MEN1: variants seen among roughly 807,000 people sequenced by gnomAD.
MEN1 encodes menin 1, also known as menin.
Under a neutral mutation model 58.0 loss-of-function variants are expected in MEN1, and 6 were observed. The ratio of observed to expected loss-of-function variants is 0.10; its 90% CI spans 0.06 to 0.20. The LOEUF (loss-of-function observed/expected upper bound fraction) is 0.20, where lower values mean the gene tolerates loss of function less well. Among genes scored for constraint, MEN1 ranks in the 10% least tolerant of loss-of-function variants. MEN1 has a pLI of 1.00. For synonymous variants in MEN1, 346 were observed against 350.7 expected (o/e 0.99, Z 0.15); for missense variants, 492 against 818.5 (o/e 0.60, Z 4.87).
rs892949876 is a variant in MEN1 at position 64,803,993 on chromosome 11, G to A, written c.*341C>T. The A allele has an allele frequency of 6.9e-6, 3 of 432,514 alleles. No homozygotes were observed. The highest frequency in any genetic ancestry group is 2.0e-5 in the African/African-American group (1 of 51,118). The allele number at this position is 432,514 out of a possible 1,614,324, so 26.8% of individuals were successfully genotyped here. ...TCCTACAAGCTGGGAGGAGCCCTGA[G>A]TAACGTTGGTCTGGCTCTAGGTGAG... On this transcript the variant is annotated 3_prime_UTR_variant, in exon 10 of 10. Coordinates refer to ENST00000450708, the MANE Select transcript of MEN1 (RefSeq NM_001370259.2).
chr11:64,810,599 C>G (rs1269142116), upstream of MEN1: 2 of 157,824 alleles, frequency 1.3e-5, no homozygotes, highest in African/African-American at 4.8e-5. Context: ...TAGGGTCGCA[C>G]TACCCGCCGG....
chr11:64,809,560 C>T, intron 2 of MEN1, 105 bp downstream of exon 2: 1 of 1,412,332 alleles, frequency 7.1e-7, no homozygotes, highest in Non-Finnish European at 9.8e-7. Context: ...AAAATAACAC[C>T]TGCCGAACCT....
In MEN1 at chr11:64,807,775, C is replaced by T; in HGVS notation, c.655-95G>A. On this transcript the variant is annotated intron_variant, in intron 3 of 9. Coordinates refer to ENST00000450708, the MANE Select transcript of MEN1 (RefSeq NM_001370259.2). The surrounding 1 kb of genome is among the most constrained non-coding windows in gnomAD (Gnocchi z 4.9). ...AGGAAAAGGGGCTCTTCTGTCTTCC[C>T]TTCCTATGTGGGTGGTGATGGGAAG... 1 of 1,610,062 alleles carries T rather than the reference C, an allele frequency of 6.2e-7. No homozygotes were observed. Among genetic ancestry groups the T allele is most frequent in the Non-Finnish European group, 8.5e-7 (1 of 1,177,204 alleles).
At chr11:64,805,904 C>A in intron 7 of MEN1, 134 bp from the exon 8 acceptor site, 1 of 914,716 alleles carries the variant, frequency 1.1e-6, no homozygotes, top group South Asian at 1.3e-5. Context: ...ATGATGCTGT[C>A]TGGGTCAGCC....
At position 64,805,147 on chromosome 11, in the gene MEN1, G is replaced by C; in HGVS notation, c.1237C>G (p.Leu413Val). 6.2e-7 allele frequency: 1 copy of C among 1,614,134 alleles called. No homozygotes were observed. The highest frequency in any genetic ancestry group is 1.1e-5 in the South Asian group (1 of 91,084). Reference sequence around the variant, plus strand: ...CAGATGCCGTCGTAGAATCGCAGCAGGTGGGCGAAGCACTCAGGGTCCTGG... The same window carrying C: ...CAGATGCCGTCGTAGAATCGCAGCACGTGGGCGAAGCACTCAGGGTCCTGG... ...ALQDPECFAH[L>V]LRFYDGICKW... The change falls in exon 9 of 10, where the codon CTG (leucine) becomes GTG (valine). Residue 413 changes from leucine to valine, a missense_variant. Leu to Val is a conservative substitution (Grantham distance 32). Transcript: ENST00000450708.
In MEN1 at chr11:64,808,109, G is replaced by A. The variant is rs1442401628; in HGVS notation, c.446-10C>T. 6.2e-7 allele frequency: 1 copy of A among 1,601,956 alleles called. No individual in the cohort carries two copies. The highest frequency in any genetic ancestry group is 1.7e-5 in the Admixed American group (1 of 57,870). ...CTGTCCAATTTGGTGCCTGTGGAAG[G>A]GGGAGGTAATGAAAGAGGGTCCTCT... On this transcript the variant is annotated splice_polypyrimidine_tract_variant and intron_variant, in intron 2 of 9. Coordinates refer to ENST00000450708, the MANE Select transcript of MEN1 (RefSeq NM_001370259.2).
Position 64,806,216 on chromosome 11 carries a change from G to T in MEN1, c.1049+16C>A, listed in dbSNP as rs774162138. The T allele has an allele frequency of 6.2e-7, 1 of 1,613,956 alleles. No homozygotes were observed. Among genetic ancestry groups the T allele is most frequent in the South Asian group, 1.1e-5 (1 of 91,082 alleles). ...AAGAAAGGACAGGCTGCAGGCCCTA[G>T]TAGGGGGATCCTCACTCCTGGATGA... On this transcript the variant is annotated intron_variant, in intron 7 of 9. Coordinates refer to ENST00000450708, the MANE Select transcript of MEN1 (RefSeq NM_001370259.2).
chr11:64,807,422 C>T lies in MEN1; in HGVS notation c.783+130G>A. The T allele has an allele frequency of 1.8e-6, 2 of 1,121,988 alleles. No individual in the cohort carries two copies. Among genetic ancestry groups the T allele is most frequent in the Non-Finnish European group, 2.6e-6 (2 of 762,360 alleles). The allele number at this position is 1,121,988 out of a possible 1,614,324, so 69.5% of individuals were successfully genotyped here. A position where few individuals can be genotyped will look rare whatever the true frequency, so the allele number is the denominator to read the frequency against. On this transcript the variant is annotated intron_variant, in intron 4 of 9. Transcript: ENST00000450708. The surrounding 1 kb of genome is among the most constrained non-coding windows in gnomAD (Gnocchi z 4.9). ...CCCAAGAGCCCTGGGAAAGGCCAGG[C>T]CAGGAATTACTAACCCATTTTTCCA...
At position 64,810,283 on chromosome 11, in the gene MEN1, T is replaced by C. The variant is rs552454231; in HGVS notation, c.-23-151A>G. On this transcript the variant is annotated intron_variant, in intron 1 of 9. Coordinates refer to ENST00000450708, the MANE Select transcript of MEN1 (RefSeq NM_001370259.2). Reference sequence around the variant, plus strand: ...CTCTGCTCACCGGCTTCCCCTCTTTTGTCGGTGAGACCCCTCAGCCGAGAC... The same window carrying C: ...CTCTGCTCACCGGCTTCCCCTCTTTCGTCGGTGAGACCCCTCAGCCGAGAC... The C allele has an allele frequency of 3.8e-4, 236 of 614,166 alleles. 2 individuals are homozygous for C. In the African/African-American group the frequency reaches 4.0e-3, roughly 10 times the overall value. 38.0% of individuals were successfully genotyped at this position (614,166 alleles called of 1,614,324 possible).
Position 64,803,728 on chromosome 11 carries a change from G to A in MEN1, c.*606C>T, listed in dbSNP as rs1218919014. On this transcript the variant is annotated 3_prime_UTR_variant, in exon 10 of 10. Coordinates refer to ENST00000450708, the MANE Select transcript of MEN1 (RefSeq NM_001370259.2). ...GGCCAGTTTCGTCAGGAAGAGGGCG[G>A]GGCTCAGGATGCTCATAGGCTGGGG... 8.2e-6 allele frequency: 2 copies of A among 242,906 alleles called. No individual in the cohort carries two copies. Among genetic ancestry groups the A allele is most frequent in the South Asian group, 1.4e-4 (1 of 7,346 alleles). 15.0% of individuals were successfully genotyped at this position (242,906 alleles called of 1,614,324 possible).
Position 64,807,242 on chromosome 11 carries a change from A to G in MEN1, c.784-23T>C. The G allele has an allele frequency of 6.2e-7, 1 of 1,610,902 alleles. No individual in the cohort carries two copies. The highest frequency in any genetic ancestry group is 1.7e-5 in the Admixed American group (1 of 59,812). Reference sequence around the variant, plus strand: ...CTTCTAGGAGCCGAAGGAGAGAGTTATGAGCCACGGAACAGGGAGGAGAAC... The same window carrying G: ...CTTCTAGGAGCCGAAGGAGAGAGTTGTGAGCCACGGAACAGGGAGGAGAAC... On this transcript the variant is annotated intron_variant, in intron 4 of 9. Transcript: ENST00000450708. The surrounding 1 kb of genome is among the most constrained non-coding windows in gnomAD (Gnocchi z 4.9).
At chr11:64,805,316 T>C in intron 8 of MEN1, 118 bp from the exon 9 acceptor site, 2 of 1,211,722 alleles carry the variant, frequency 1.7e-6, no homozygotes, top group Non-Finnish European at 2.3e-6. Flanking sequence ...TAAGCATAGG[T>C]TGGGAACATT....
Position 64,807,878 on chromosome 11 carries a change from G to A in MEN1, c.654+13C>T. ...AGTATGAAGGGGACAAGGCTGGGGG[G>A]AGGGAACAATACCCGCTCAGCCACA... On this transcript the variant is annotated intron_variant, in intron 3 of 9. Coordinates refer to ENST00000450708, the MANE Select transcript of MEN1 (RefSeq NM_001370259.2). The surrounding 1 kb of genome is among the most constrained non-coding windows in gnomAD (Gnocchi z 4.9). 6.2e-7 allele frequency: 1 copy of A among 1,613,816 alleles called. No individual in the cohort carries two copies. Among genetic ancestry groups the A allele is most frequent in the Non-Finnish European group, 8.5e-7 (1 of 1,179,860 alleles).
In MEN1 at chr11:64,804,326, C is replaced by T. The variant is rs1941483191; in HGVS notation, c.*8G>A. ...GGTCCCCACAAGCGGTCCGAAGTCC[C>T]CAGTAGTTCAGAGGCCTTTGCGCTG... On this transcript the variant is annotated 3_prime_UTR_variant, in exon 10 of 10. Transcript: ENST00000450708. The surrounding 1 kb of genome is among the most constrained non-coding windows in gnomAD (Gnocchi z 4.2). 1.2e-6 allele frequency: 2 copies of T among 1,614,036 alleles called. No individual in the cohort carries two copies. The highest frequency in any genetic ancestry group is 1.7e-6 in the Non-Finnish European group (2 of 1,180,030).
chr11:64,808,109 G>C lies in MEN1; in HGVS notation c.446-10C>G, dbSNP rs1442401628. On this transcript the variant is annotated splice_polypyrimidine_tract_variant and intron_variant, in intron 2 of 9. Coordinates refer to ENST00000450708, the MANE Select transcript of MEN1 (RefSeq NM_001370259.2). ...CTGTCCAATTTGGTGCCTGTGGAAG[G>C]GGGAGGTAATGAAAGAGGGTCCTCT... is the stretch of plus-strand genomic sequence containing the variant. 1 of 1,601,956 alleles carries C rather than the reference G, an allele frequency of 6.2e-7. No individual in the cohort carries two copies. Among genetic ancestry groups the C allele is most frequent in the South Asian group, 1.1e-5 (1 of 89,896 alleles).
In MEN1 at chr11:64,804,049, G is replaced by A. The variant is rs1941460247; in HGVS notation, c.*285C>T. On this transcript the variant is annotated 3_prime_UTR_variant, in exon 10 of 10. Coordinates refer to ENST00000450708, the MANE Select transcript of MEN1 (RefSeq NM_001370259.2). The surrounding 1 kb of genome is among the most constrained non-coding windows in gnomAD (Gnocchi z 4.2). ...CCGAGGAGGAGCTTGGGTTTCTAGG[G>A]GCTGGGCCTTTAAAGACTGGTAATT... 2 of 493,142 alleles carry A rather than the reference G, an allele frequency of 4.1e-6. No individual in the cohort carries two copies. Among genetic ancestry groups the A allele is most frequent in the Admixed American group, 6.6e-5 (2 of 30,356 alleles). The allele number at this position is 493,142 out of a possible 1,614,324, so 30.5% of individuals were successfully genotyped here. A position where few individuals can be genotyped will look rare whatever the true frequency, so the allele number is the denominator to read the frequency against.
In MEN1 at chr11:64,807,836, G is replaced by A. The variant is rs775865846; in HGVS notation, c.654+55C>T. 7 of 1,609,572 alleles carry A rather than the reference G, an allele frequency of 4.3e-6. No individual in the cohort carries two copies. The East Asian group carries it at 6.7e-5, about 15-fold the overall frequency. ...GGCCCAAGAAAATGGAGTCCCTTGG[G>A]TGGCTTGGGCTACTACAGTATGAAG... On this transcript the variant is annotated intron_variant, in intron 3 of 9. Transcript: ENST00000450708. The surrounding 1 kb of genome is among the most constrained non-coding windows in gnomAD (Gnocchi z 4.9).
chr11:64,805,443 C>A (rs780536609), intron 8 of MEN1, among the ~76,000 whole-genome samples, 192 bp downstream of exon 8: 45 of 152,316 alleles, frequency 3.0e-4, no homozygotes, highest in Non-Finnish European at 6.2e-4. Flanking sequence ...AGGGTAGAAA[C>A]CTCTAAAATA....
In MEN1 at chr11:64,804,353, C is replaced by T. The variant is rs1555163002; in HGVS notation, c.1814G>A (p.Arg605Gln). The change falls in exon 10 of 10, where the codon CGG becomes CAG. Residue 605 changes from arginine (R) to glutamine (Q), a missense_variant. Arg to Gln is a conservative substitution (Grantham distance 43). Around this residue, in one of 5 missense-constraint regions of MEN1, gnomAD observed 24 missense variants for 72.4 expected, o/e 0.33. Coordinates refer to ENST00000450708, the MANE Select transcript of MEN1 (RefSeq NM_001370259.2). The surrounding 1 kb of genome is among the most constrained non-coding windows in gnomAD (Gnocchi z 4.2). Reference protein sequence around the residue: ...PSDYTLSFLKRQRKGL With the variant: ...PSDYTLSFLKQQRKGL Reference sequence around the variant, plus strand: ...AGTAGTTCAGAGGCCTTTGCGCTGCCGCTTGAGGAAAGACAGAGTGTAGTC... The same window carrying T: ...AGTAGTTCAGAGGCCTTTGCGCTGCTGCTTGAGGAAAGACAGAGTGTAGTC... 1.9e-6 allele frequency: 3 copies of T among 1,614,180 alleles called. No individual in the cohort carries two copies. Among genetic ancestry groups the T allele is most frequent in the Non-Finnish European group, 1.7e-6 (2 of 1,180,018 alleles).
Sources: gnomAD v4.1 joint callset for allele counts (sites outside exome capture counted in the v4.1 genomes callset) on GRCh38, gnomAD v4.1.1 for gene constraint, gnomAD v4.1.1 regional missense constraint, Gnocchi (gnomAD v3.1) non-coding constraint, MANE v1.5 for transcripts, NCBI Gene and HGNC (gene_info 2026-07-23, HGNC 2026-07-21) for gene names.